Variants in ABI3BP observed in about 807,000 individuals in gnomAD.
The protein encoded by ABI3BP is target of Nesh-SH3.
A neutral mutation model predicts 268.6 loss-of-function variants in ABI3BP; 216 were observed. The ratio of observed to expected loss-of-function variants is 0.80; its 90% confidence interval spans 0.72 to 0.90. The LOEUF (loss-of-function observed/expected upper bound fraction) is 0.90. Among genes scored for constraint, ABI3BP ranks in the 40% least tolerant of loss-of-function variants. The probability of loss-of-function intolerance (pLI) is 0.00; values close to 1 mark genes in which losing one functional copy is unlikely to be tolerated. For synonymous variants in ABI3BP, 730 were observed against 730.0 expected, an observed-to-expected ratio of 1.00 and a Z score of 0.00; for missense variants, 2,090 against 2,182.4, an observed-to-expected ratio of 0.96 and a Z score of 0.84.
chr3:100,756,681 C>T (rs1217172926), intron 63 of ABI3BP, among the ~76,000 whole-genome samples: 1 of 151,784 alleles, frequency 6.6e-6, no homozygotes, highest in East Asian at 1.9e-4. Flanking sequence ...TTGGCCAAGT[C>T]TGATTGCTGG....
chr3:100,866,282 C>A (rs562562976), intron 10 of ABI3BP, among the ~76,000 whole-genome samples: 2 of 152,160 alleles, frequency 1.3e-5, no homozygotes, highest in African/African-American at 2.4e-5. Flanking sequence ...ATGCCTCCCC[C>A]CTGGACTGGA....
rs2099007795 is a variant in ABI3BP at position 100,862,398 on chromosome 3, GA to G, written c.1211-14del. The G allele has an allele frequency of 3.9e-6, 6 of 1,539,718 alleles. No individual in the cohort carries two copies. Among genetic ancestry groups the G allele is most frequent in the Non-Finnish European group, 5.2e-6 (6 of 1,144,566 alleles). On this transcript the variant is annotated splice_polypyrimidine_tract_variant and intron_variant, in intron 13 of 67. Transcript: ENST00000471714. ...TTTTCACTTGAAGCTATATTGAAAA[GA>G]AATGGAATTTGCTGAAGATTTTTTT...
intron 11 of ABI3BP, 101 bp downstream of exon 11, chr3:100,864,732 G>A (rs1482463005): frequency 2.5e-6 from 2 of 795,946 alleles, no homozygotes; most frequent in East Asian, 2.7e-5. Context: ...AGTGGGGAGG[G>A]AGAGAGAAGT....
rs890541516 is a variant in ABI3BP at position 100,822,587 on chromosome 3, A to T, written c.2887+2T>A. ...TCTTTAAACCAGGAACACATAGTTTACCTGGTTTGGATTCAGGTGCTTCAG... is the reference window on the plus strand; with the variant it reads ...TCTTTAAACCAGGAACACATAGTTTTCCTGGTTTGGATTCAGGTGCTTCAG... On this transcript the variant is annotated splice_donor_variant, in intron 38 of 67. Transcript: ENST00000471714. LOFTEE classifies it high-confidence loss of function. 13 of 1,535,586 alleles carry T rather than the reference A, an allele frequency of 8.5e-6. No individual in the cohort carries two copies. Among genetic ancestry groups the T allele is most frequent in the African/African-American group, 1.4e-5 (1 of 73,016 alleles).
intron 24 of ABI3BP, 49 bp from the exon 25 acceptor site, chr3:100,838,513 G>A: frequency 1.4e-6 from 2 of 1,413,266 alleles, no homozygotes; most frequent in Non-Finnish European, 1.9e-6. Flanking sequence ...GGCTGTGACT[G>A]TCAAAATTAA....
intron 1 of ABI3BP, among the ~76,000 whole-genome samples, chr3:100,934,711 A>G (rs1364511411): frequency 6.7e-6 from 1 of 149,564 alleles, no homozygotes; most frequent in Non-Finnish European, 1.5e-5. Flanking sequence ...TGTGGTTTTG[A>G]TTTGCATTTC....
At chr3:100,905,045 A>G (rs951235112) in intron 2 of ABI3BP, among the ~76,000 whole-genome samples, 9 of 152,264 alleles carry the variant, frequency 5.9e-5, no homozygotes, top group Non-Finnish European at 1.3e-4. Flanking sequence ...GATTAAGAAA[A>G]TGTAGCACAT....
At chr3:100,786,464 C>T (rs1350015696) in intron 57 of ABI3BP, among the ~76,000 whole-genome samples, 1 of 152,004 alleles carries the variant, frequency 6.6e-6, no homozygotes, top group African/African-American at 2.4e-5. Context: ...TGGTTTGTTT[C>T]CCTGAGAGAT....
At chr3:100,902,098 T>G (rs1215869126) in intron 3 of ABI3BP, among the ~76,000 whole-genome samples, 1 of 152,160 alleles carries the variant, frequency 6.6e-6, no homozygotes, top group Non-Finnish European at 1.5e-5. Context: ...AAGGGAGAGA[T>G]AAGGAGTAAA....
intron 20 of ABI3BP, 64 bp from the exon 21 acceptor site, chr3:100,842,103 A>T (rs1394455633): frequency 7.4e-7 from 1 of 1,349,074 alleles, no homozygotes; most frequent in Non-Finnish European, 1.0e-6. Flanking sequence ...TAGAAGTGAC[A>T]TGTTCTTGAC....
At chr3:100,858,654 A>C (rs926240559) in intron 14 of ABI3BP, among the ~76,000 whole-genome samples, 1 of 152,232 alleles carries the variant, frequency 6.6e-6, no homozygotes, top group African/African-American at 2.4e-5. Context: ...AATGGCTGAT[A>C]AAGAGAAAAG....
chr3:100,887,460 G>A (rs959999112), intron 4 of ABI3BP, among the ~76,000 whole-genome samples: 1 of 152,018 alleles, frequency 6.6e-6, no homozygotes, highest in Non-Finnish European at 1.5e-5. Context: ...ATTTCTGATA[G>A]TGCTTTAACT....
rs1370992428 is a variant in ABI3BP, at chr3:100,842,046, T to A, written c.1724-7A>T. 6.5e-7 allele frequency: 1 copy of A among 1,532,618 alleles called. No homozygotes were observed. Among genetic ancestry groups the A allele is most frequent in the East Asian group, 2.4e-5 (1 of 40,900 alleles). 94.9% of individuals were successfully genotyped at this position (1,532,618 alleles called of 1,614,324 possible). A position where few individuals can be genotyped will look rare whatever the true frequency, so the allele number is the denominator to read the frequency against. On this transcript the variant is annotated splice_polypyrimidine_tract_variant and splice_region_variant and intron_variant, in intron 20 of 67. Coordinates refer to ENST00000471714, the MANE Select transcript of ABI3BP (RefSeq NM_001375547.2). Reference sequence around the variant, plus strand: ...AGAGTCTGAGGTTCTGGGGCTGTAATAAAAGCAAGTAATATCAAAAGCAAT... The same window carrying A: ...AGAGTCTGAGGTTCTGGGGCTGTAAAAAAAGCAAGTAATATCAAAAGCAAT...
chr3:100,926,183 C>A, intron 2 of ABI3BP, 119 bp downstream of exon 2: 1 of 994,304 alleles, frequency 1.0e-6, no homozygotes. Flanking sequence ...GTAATTCTAC[C>A]ATTTGATTAA....
chr3:100,854,769 T>A (rs1202012639), intron 14 of ABI3BP, among the ~76,000 whole-genome samples: 2 of 152,156 alleles, frequency 1.3e-5, no homozygotes, highest in African/African-American at 4.8e-5. Flanking sequence ...ATAATTCAAT[T>A]TACAGGTTAT....
At chr3:100,896,434 G>A (rs1356920477) in intron 4 of ABI3BP, among the ~76,000 whole-genome samples, 1 of 152,160 alleles carries the variant, frequency 6.6e-6, no homozygotes, top group African/African-American at 2.4e-5. Flanking sequence ...GTAGGACAAA[G>A]TGAAATTGGA....
chr3:100,844,658 T>C (rs2098747123), intron 20 of ABI3BP, among the ~76,000 whole-genome samples: 1 of 152,152 alleles, frequency 6.6e-6, no homozygotes, highest in Admixed American at 6.5e-5. Context: ...GAAGCTAAAA[T>C]CAAAGCAATG....
chr3:100,832,729 A>C (rs1277113221), intron 30 of ABI3BP, among the ~76,000 whole-genome samples: 1 of 151,654 alleles, frequency 6.6e-6, no homozygotes, highest in Non-Finnish European at 1.5e-5. Flanking sequence ...AACTTACTAG[A>C]CTAAGTATAT....
At chr3:100,849,094 A>T (rs989961639) in intron 17 of ABI3BP, among the ~76,000 whole-genome samples, 4 of 149,138 alleles carry the variant, frequency 2.7e-5, no homozygotes, top group African/African-American at 1.0e-4. Context: ...TTGAAGATAT[A>T]CATTGTTCAA....
Sources: allele counts gnomAD v4.1 joint callset (sites outside exome capture counted in the v4.1 genomes callset), GRCh38; gene constraint gnomAD v4.1.1; transcripts MANE v1.5; gene names NCBI Gene and HGNC (gene_info 2026-07-23, HGNC 2026-07-21).